SCARA5: variants seen among roughly 807,000 people sequenced by gnomAD.
The protein encoded by SCARA5 is scavenger receptor class A member 5.
In SCARA5, 45 loss-of-function variants were observed where a neutral mutation model predicts 46.3. The observed-to-expected ratio is 0.97, with a 90% CI of 0.76 to 1.24. The LOEUF (loss-of-function observed/expected upper bound fraction) is 1.24, where lower values mean the gene tolerates loss of function less well. Among genes scored for constraint, SCARA5 ranks in the 50% most tolerant of loss-of-function variants. The pLI is 0.00. For missense variants in SCARA5, 680 were observed against 689.0 expected (o/e 0.99, Z 0.15); for synonymous variants, 333 against 306.5 (o/e 1.09, Z -0.90).
At chr8:27,873,931 T>C (rs974095442) in intron 8 of SCARA5, among the ~76,000 whole-genome samples, 2 of 152,152 alleles carry the variant, frequency 1.3e-5, no homozygotes, top group Non-Finnish European at 2.9e-5. Flanking sequence ...ACGCCTGTAA[T>C]CTCAGCTACG....
chr8:27,953,136 A>C (rs1311704812), intron 3 of SCARA5, among the ~76,000 whole-genome samples: 1 of 152,214 alleles, frequency 6.6e-6, no homozygotes, highest in African/African-American at 2.4e-5. Context: ...GGCTAAAAGG[A>C]AGCCATGGAA....
chr8:27,901,843 C>A (rs150256711), intron 7 of SCARA5, among the ~76,000 whole-genome samples: 13 of 152,200 alleles, frequency 8.5e-5, no homozygotes, highest in Non-Finnish European at 1.3e-4. Flanking sequence ...GGGGCCGAAG[C>A]CCCCATCCCA....
intron 3 of SCARA5, among the ~76,000 whole-genome samples, chr8:27,945,094 A>G (rs1808013419): frequency 6.6e-6 from 1 of 152,038 alleles, no homozygotes; most frequent in Admixed American, 6.6e-5. Context: ...GAGTTCAGGA[A>G]GAAGAGGCTG....
intron 3 of SCARA5, among the ~76,000 whole-genome samples, chr8:27,965,956 G>A (rs1305524957): frequency 6.6e-6 from 1 of 152,194 alleles, no homozygotes; most frequent in Admixed American, 6.5e-5. Context: ...TTGGTAAGGA[G>A]AGCCTGGCTG....
intron 3 of SCARA5, 88 bp from the exon 4 acceptor site, chr8:27,922,333 G>A: frequency 2.4e-6 from 2 of 839,070 alleles, no homozygotes; most frequent in Non-Finnish European, 3.6e-6. Flanking sequence ...AGCCTGGCAT[G>A]CAGTAGGTGC....
At chr8:27,911,206 C>A (rs893775885) in intron 4 of SCARA5, among the ~76,000 whole-genome samples, 1 of 151,102 alleles carries the variant, frequency 6.6e-6, no homozygotes, top group Non-Finnish European at 1.5e-5. Flanking sequence ...GTGTGAGCTG[C>A]TTGAATGCAT....
chr8:27,966,845 T>C (rs762303400), intron 2 of SCARA5, among the ~76,000 whole-genome samples: 1 of 152,146 alleles, frequency 6.6e-6, no homozygotes, highest in Non-Finnish European at 1.5e-5. Flanking sequence ...GACCTTGAAA[T>C]AGTCTTGGAT....
intron 2 of SCARA5, among the ~76,000 whole-genome samples, chr8:27,971,403 A>G (rs1003675279): frequency 6.6e-6 from 1 of 152,234 alleles, no homozygotes; most frequent in African/African-American, 2.4e-5. Flanking sequence ...TCCAATGTAC[A>G]GGACTTATAA....
chr8:27,910,913 G>C (rs2685351), intron 4 of SCARA5, among the ~76,000 whole-genome samples: 146,123 of 152,296 alleles, frequency 0.96, 70,403 homozygotes, highest in Middle Eastern at 1. Flanking sequence ...CATGACAATG[G>C]CGTGTGCTGC....
chr8:27,913,065 T>C (rs945090342), intron 4 of SCARA5, among the ~76,000 whole-genome samples: 2 of 152,228 alleles, frequency 1.3e-5, no homozygotes, highest in East Asian at 1.9e-4. Context: ...AGAACCATTA[T>C]AGGATGACAA....
intron 3 of SCARA5, among the ~76,000 whole-genome samples, chr8:27,937,365 C>T (rs548224012): frequency 1.6e-4 from 25 of 152,280 alleles, no homozygotes; most frequent in East Asian, 1.4e-3. Context: ...TCCCGATCCC[C>T]GGGGACAGGA....
intron 3 of SCARA5, among the ~76,000 whole-genome samples, chr8:27,938,053 T>C (rs1401655407): frequency 1.3e-5 from 2 of 152,146 alleles, no homozygotes; most frequent in African/African-American, 2.4e-5. Context: ...TGGAAAGAAG[T>C]TGGGGTGGGC....
At chr8:27,911,315 C>T (rs1432439698) in intron 4 of SCARA5, among the ~76,000 whole-genome samples, 6 of 152,210 alleles carry the variant, frequency 3.9e-5, no homozygotes, top group African/African-American at 1.2e-4. Context: ...CTTCCTGAGA[C>T]AGGACCATAC....
At chr8:27,875,657 G>A (rs904114959) in intron 8 of SCARA5, among the ~76,000 whole-genome samples, 2 of 151,988 alleles carry the variant, frequency 1.3e-5, no homozygotes, top group African/African-American at 2.4e-5. Flanking sequence ...GGGTGGGCAG[G>A]AGGCCAACTA....
chr8:27,938,871 T>G (rs1367735332), intron 3 of SCARA5, among the ~76,000 whole-genome samples: 2 of 152,202 alleles, frequency 1.3e-5, no homozygotes, highest in East Asian at 3.8e-4. Context: ...AAACTGACCA[T>G]TTATATATAT....
intron 3 of SCARA5, among the ~76,000 whole-genome samples, chr8:27,945,387 A>G (rs752102295): frequency 9.2e-5 from 14 of 152,104 alleles, no homozygotes; most frequent in Non-Finnish European, 2.1e-4. Flanking sequence ...TGGCTTCCCC[A>G]TTTGTGGGGC....
chr8:27,916,845 TC>T (rs1198549824), intron 4 of SCARA5, among the ~76,000 whole-genome samples: 3 of 151,828 alleles, frequency 2.0e-5, no homozygotes, highest in Non-Finnish European at 4.4e-5. Context: ...AGTGTTTGCA[TC>T]CCCCCCGATT....
chr8:27,952,914 G>A (rs1808151451), intron 3 of SCARA5, among the ~76,000 whole-genome samples: 1 of 152,186 alleles, frequency 6.6e-6, no homozygotes, highest in African/African-American at 2.4e-5. Context: ...TCAAAAGTCA[G>A]AAAGAGAAAG....
At chr8:27,968,473 T>G (rs910205853) in intron 2 of SCARA5, among the ~76,000 whole-genome samples, 1 of 152,344 alleles carries the variant, frequency 6.6e-6, no homozygotes, top group African/African-American at 2.4e-5. Context: ...TACACTAGGC[T>G]CTACAAAGGG....
Sources: gnomAD v4.1 joint callset for allele counts (sites outside exome capture counted in the v4.1 genomes callset) on GRCh38, gnomAD v4.1.1 for gene constraint, MANE v1.5 for transcripts, NCBI Gene and HGNC (gene_info 2026-07-23, HGNC 2026-07-21) for gene names.